Variants in SBF2 observed in about 807,000 individuals in gnomAD.
SBF2 encodes the protein myotubularin-related protein 13.
A neutral mutation model predicts 225.2 loss-of-function variants in SBF2; 112 were observed. The ratio of observed to expected loss-of-function variants is 0.50; its 90% CI spans 0.43 to 0.58. SBF2 has a LOEUF of 0.58. Among genes scored for constraint, SBF2 ranks in the 20% least tolerant of loss-of-function variants. The pLI is 0.00. For missense variants in SBF2, 1,996 were observed against 2,206.2 expected, an observed-to-expected ratio of 0.90 and a Z score of 1.91; for synonymous variants, 763 against 773.3, an observed-to-expected ratio of 0.99 and a Z score of 0.22.
At chr11:10,278,118 T>C (rs1278393306) in intron 1 of SBF2, among the ~76,000 whole-genome samples, 1 of 152,216 alleles carries the variant, frequency 6.6e-6, no homozygotes, top group African/African-American at 2.4e-5. Context: ...GTTCCTATAC[T>C]CTAGATCAAT....
chr11:10,095,987 C>G (rs1952003260), intron 2 of SBF2, among the ~76,000 whole-genome samples: 1 of 152,070 alleles, frequency 6.6e-6, no homozygotes, highest in Non-Finnish European at 1.5e-5. Context: ...AACTAAGTGA[C>G]TATTCAAAAG....
chr11:10,122,114 G>GA (rs1374088136), intron 2 of SBF2, among the ~76,000 whole-genome samples: 9 of 152,084 alleles, frequency 5.9e-5, no homozygotes, highest in Non-Finnish European at 1.3e-4. Context: ...AATAAGGAAA[G>GA]AAAAAAATCA....
chr11:9,846,016 C>T (rs1011187696), intron 23 of SBF2, among the ~76,000 whole-genome samples: 1 of 152,174 alleles, frequency 6.6e-6, no homozygotes, highest in African/African-American at 2.4e-5. Flanking sequence ...GTATAGCAAA[C>T]ACGCCCTTCT....
chr11:9,916,598 C>CTTTTT lies in SBF2; in HGVS notation c.1861-20592_1861-20588dup, dbSNP rs538961208. Among the ~76,000 whole-genome samples the CTTTTT allele has an allele frequency of 1.4e-5, 2 of 138,748 alleles. 1 individual carries two copies. The highest frequency in any genetic ancestry group is 3.1e-5 in the Non-Finnish European group (2 of 64,838). 91.0% of individuals were successfully genotyped at this position (138,748 alleles called of 152,430 possible). A position where few individuals can be genotyped will look rare whatever the true frequency, so the allele number is the denominator to read the frequency against. On this transcript the variant is annotated intron_variant, in intron 16 of 39. Transcript: ENST00000256190. ...AACTTACATCTTTTTCTTTCTTTTC[C>CTTTTT]TTTTTTTTCTTTTTTTTGAGACAGG...
intron 1 of SBF2, among the ~76,000 whole-genome samples, chr11:10,261,809 C>T (rs1961459970): frequency 6.6e-6 from 1 of 152,202 alleles, no homozygotes; most frequent in Admixed American, 6.5e-5. Context: ...AAACTTCTAA[C>T]AAACATAATA....
chr11:10,286,815 A>G (rs1456891473), intron 1 of SBF2, among the ~76,000 whole-genome samples: 2 of 152,254 alleles, frequency 1.3e-5, no homozygotes, highest in African/African-American at 2.4e-5. Context: ...ATTGCTAGTG[A>G]AAATGTAAAA....
chr11:9,922,456 T>C (rs1863707520), intron 16 of SBF2, among the ~76,000 whole-genome samples: 1 of 152,222 alleles, frequency 6.6e-6, no homozygotes, highest in South Asian at 2.1e-4. Flanking sequence ...ATAAGACTTT[T>C]ACACATATCT....
At position 10,184,314 on chromosome 11, in the gene SBF2, T is replaced by C. The variant is rs574740168; in HGVS notation, c.141+9588A>G. On this transcript the variant is annotated intron_variant, in intron 2 of 39. Coordinates refer to ENST00000256190, the MANE Select transcript of SBF2 (RefSeq NM_030962.4). ...TGATTATTGAGCCTTATGGGATGTC[T>C]TGAAACCAGGTAGTATAAGTCTTCC... Among the ~76,000 whole-genome samples the C allele has an allele frequency of 2.0e-5, 3 of 152,332 alleles. No individual in the cohort carries two copies. In the South Asian group the frequency reaches 6.2e-4, roughly 32 times the overall value.
At chr11:9,862,653 G>C (rs1857853925) in intron 17 of SBF2, among the ~76,000 whole-genome samples, 1 of 151,586 alleles carries the variant, frequency 6.6e-6, no homozygotes, top group African/African-American at 2.4e-5. Context: ...GTATAACCTG[G>C]GACAGTAGCA....
At chr11:10,173,145 T>G (rs917421810) in intron 2 of SBF2, among the ~76,000 whole-genome samples, 2 of 152,190 alleles carry the variant, frequency 1.3e-5, no homozygotes, top group African/African-American at 4.8e-5. Flanking sequence ...AAAAACTTAG[T>G]CAGGAGAGGA....
chr11:9,857,001 A>G (rs1857375210), intron 18 of SBF2, among the ~76,000 whole-genome samples: 1 of 152,048 alleles, frequency 6.6e-6, no homozygotes, highest in South Asian at 2.1e-4. Context: ...GTTAGCCAGG[A>G]TGGTCTCGAT....
Position 9,781,523 on chromosome 11 carries a change from T to C in SBF2, c.5435A>G (p.Asp1812Gly), listed in dbSNP as rs1852006389. 1.2e-6 allele frequency: 2 copies of C among 1,614,222 alleles called. No homozygotes were observed. The highest frequency in any genetic ancestry group is 1.7e-6 in the Non-Finnish European group (2 of 1,180,040). The change falls in exon 39 of 40, where the codon GAC (aspartate) becomes GGC (glycine). Residue 1812 changes from aspartate to glycine, a missense_variant. Transcript: ENST00000256190. ...PSMGAPKHTSDKAFFDLKTSK... is the reference protein window; with the variant it reads ...PSMGAPKHTSGKAFFDLKTSK... ...TCAACTTACATCAAAGAAAGCCTTG[T>C]CACTTGTGTGCTTTGGGGCTCCCAT...
At chr11:10,066,446 A>T (rs907906702) in intron 2 of SBF2, among the ~76,000 whole-genome samples, 9 of 152,030 alleles carry the variant, frequency 5.9e-5, no homozygotes, top group Admixed American at 1.3e-4. Context: ...TACAGGGTTG[A>T]TTTACATTTG....
intron 2 of SBF2, among the ~76,000 whole-genome samples, chr11:10,176,548 G>A (rs974909658): frequency 4.4e-4 from 67 of 152,074 alleles, no homozygotes; most frequent in Non-Finnish European, 2.4e-4. Flanking sequence ...TACCATCAGA[G>A]AATACTACAA....
intron 10 of SBF2, 26 bp from the exon 11 acceptor site, chr11:9,993,129 G>A: frequency 6.5e-7 from 1 of 1,529,438 alleles, no homozygotes; most frequent in Non-Finnish European, 9.0e-7. Flanking sequence ...GAAATGTTAG[G>A]TAATTTAACT....
chr11:10,257,493 T>C (rs1335467695), intron 1 of SBF2, among the ~76,000 whole-genome samples: 1 of 151,484 alleles, frequency 6.6e-6, no homozygotes, highest in African/African-American at 2.4e-5. Flanking sequence ...AGAAACCTTG[T>C]ATCTACTAAA....
chr11:10,005,991 T>C (rs906697935), intron 6 of SBF2, among the ~76,000 whole-genome samples: 5 of 152,120 alleles, frequency 3.3e-5, no homozygotes, highest in African/African-American at 1.2e-4. Context: ...ACAATGGCTC[T>C]CCTAGACAAG....
At chr11:10,221,970 G>A (rs1374744427) in intron 1 of SBF2, among the ~76,000 whole-genome samples, 1 of 152,188 alleles carries the variant, frequency 6.6e-6, no homozygotes, top group East Asian at 1.9e-4. Flanking sequence ...AGGAAGAAGA[G>A]ACCCAGAAAG....
intron 34 of SBF2, 150 bp from the exon 35 acceptor site, chr11:9,789,492 C>CA (rs1852600061): frequency 1.6e-6 from 1 of 623,710 alleles, no homozygotes; most frequent in African/African-American, 1.8e-5. Context: ...AAAAATCATA[C>CA]ATCAAGATAA....
Sources: allele counts gnomAD v4.1 joint callset (sites outside exome capture counted in the v4.1 genomes callset), GRCh38; gene constraint gnomAD v4.1.1; transcripts MANE v1.5; gene names NCBI Gene and HGNC (gene_info 2026-07-23, HGNC 2026-07-21).